Variants in C2 observed in about 807,000 individuals in gnomAD.
C2 encodes the protein C3/C5 convertase.
Under a neutral mutation model 85.2 loss-of-function variants are expected in C2, and 64 were observed. The ratio of observed to expected loss-of-function variants is 0.75; its 90% CI spans 0.61 to 0.92. The LOEUF is 0.92. C2 is among the 40% of genes least tolerant of loss of function. The pLI is 0.00. For synonymous variants in C2, 311 were observed against 370.8 expected (o/e 0.84, Z 1.85); for missense variants, 820 against 971.6 (o/e 0.84, Z 2.07).
chr6:31,911,566 G>A (rs1474256566), intron 1 of C2, among the ~76,000 whole-genome samples: 3 of 151,694 alleles, frequency 2.0e-5, no homozygotes, highest in Non-Finnish European at 2.9e-5. Context: ...GAGTCATCTG[G>A]AGTTTTAATT....
chr6:31,927,661 G>A, upstream of C2: 2 of 1,610,562 alleles, frequency 1.2e-6, no homozygotes, highest in South Asian at 1.1e-5. The surrounding 1 kb of genome is among the most constrained non-coding windows in gnomAD (Gnocchi z 4.7). Flanking sequence ...CAGCAATGAA[G>A]CAGCTGCTGA....
chr6:31,938,456 GTA>G (rs5875341), intron 8 of C2, among the ~76,000 whole-genome samples: 17,167 of 144,036 alleles, frequency 0.12, 1,191 homozygotes, highest in African/African-American at 0.2. Context: ...ATATATGTAT[GTA>G]TATATATATA....
chr6:31,916,429 T>A (rs911952316), upstream of C2, among the ~76,000 whole-genome samples: 6 of 151,964 alleles, frequency 3.9e-5, no homozygotes, highest in Admixed American at 2.6e-4. Context: ...CGTGGTGGCA[T>A]GTGCCTGTCA....
intron 1 of C2, among the ~76,000 whole-genome samples, chr6:31,913,643 AG>A (rs1425373165): frequency 6.6e-6 from 1 of 152,104 alleles, no homozygotes; most frequent in East Asian, 1.9e-4. Context: ...CGTTAAGTAA[AG>A]GAGTTTACTC....
chr6:31,912,534 G>A (rs751140228), intron 1 of C2, among the ~76,000 whole-genome samples: 3 of 152,072 alleles, frequency 2.0e-5, no homozygotes, highest in Non-Finnish European at 4.4e-5. Flanking sequence ...GTGGTACCAT[G>A]TGCTCTTTAG....
chr6:31,900,242 T>A, upstream of C2: 2 of 1,613,998 alleles, frequency 1.2e-6, no homozygotes, highest in Non-Finnish European at 1.7e-6. This position sits in a 1 kb window ranked among gnomAD's most constrained non-coding sequence, Gnocchi z 9.7. Flanking sequence ...GATGAAGTGC[T>A]GCGCCCGCAT....
upstream of C2, among the ~76,000 whole-genome samples, chr6:31,918,907 C>T (rs1265508619): frequency 1.5e-5 from 2 of 135,044 alleles, no homozygotes; most frequent in Non-Finnish European, 3.3e-5. Context: ...AAAAAAAATT[C>T]CTGGAAGGAA....
In C2 at chr6:31,943,949, A is replaced by C; in HGVS notation, c.1766A>C (p.Asn589Thr). ...PICLPCTMEA[N>T]LALRRPQGST... ...TGCCTTCCCTGCACGATGGAGGCCA[A>C]TCTGGCTCTGCGGAGACCTCAAGGC... The change falls in exon 14 of 18, where the codon AAT becomes ACT. Residue 589 changes from asparagine to threonine, a missense_variant. Asn to Thr is a moderately conservative substitution (Grantham distance 65). Transcript: ENST00000299367. The surrounding 1 kb of genome is among the most constrained non-coding windows in gnomAD (Gnocchi z 6.4). The C allele has an allele frequency of 6.2e-7, 1 of 1,612,950 alleles. No homozygotes were observed. Among genetic ancestry groups the C allele is most frequent in the South Asian group, 1.1e-5 (1 of 91,086 alleles).
At chr6:31,928,648 C>A in intron 2 of C2, 84 bp from the exon 3 acceptor site, 1 of 1,363,214 alleles carries the variant, frequency 7.3e-7, no homozygotes, top group Non-Finnish European at 1.0e-6. Flanking sequence ...CCCATGCATT[C>A]CAGCATAAAA....
upstream of C2, chr6:31,900,244 C>T (rs759938424): frequency 6.8e-6 from 11 of 1,613,972 alleles, no homozygotes; most frequent in East Asian, 4.5e-5. The surrounding 1 kb of genome is among the most constrained non-coding windows in gnomAD (Gnocchi z 9.7). Flanking sequence ...TGAAGTGCTG[C>T]GCCCGCATGT....
At chr6:31,902,307 C>G (rs1211796036) in intron 1 of C2, among the ~76,000 whole-genome samples, 1 of 151,816 alleles carries the variant, frequency 6.6e-6, no homozygotes, top group Non-Finnish European at 1.5e-5. Context: ...AAGTGCCGCG[C>G]GGAGGCCCGC....
At chr6:31,918,638 G>A (rs1356911046), upstream of C2, among the ~76,000 whole-genome samples, 2 of 151,078 alleles carry the variant, frequency 1.3e-5, no homozygotes, top group South Asian at 2.1e-4. Flanking sequence ...GGTGGCTCAC[G>A]CCTGTAATTC....
chr6:31,931,417 G>A (rs910378410), intron 3 of C2, among the ~76,000 whole-genome samples: 3 of 151,556 alleles, frequency 2.0e-5, no homozygotes, highest in Admixed American at 6.6e-5. Flanking sequence ...GCGGCCTTCC[G>A]CAGTGTTTGT....
At chr6:31,912,194 G>T (rs1324646830) in intron 1 of C2, among the ~76,000 whole-genome samples, 1 of 152,162 alleles carries the variant, frequency 6.6e-6, no homozygotes, top group African/African-American at 2.4e-5. Context: ...GTCTGCACCT[G>T]TTCAGCTTCC....
At chr6:31,937,588 A>G in intron 8 of C2, 129 bp downstream of exon 8, 4 of 1,115,328 alleles carry the variant, frequency 3.6e-6, no homozygotes, top group Non-Finnish European at 5.4e-6. Context: ...GTTTTTAGAG[A>G]TGGGGCCTTG....
intron 1 of C2, among the ~76,000 whole-genome samples, chr6:31,911,338 AT>A (rs1357250687): frequency 6.6e-6 from 1 of 152,110 alleles, no homozygotes; most frequent in Non-Finnish European, 1.5e-5. Context: ...AAAAAATAAA[AT>A]GAATCATGAA....
chr6:31,900,448 G>A, upstream of C2: 1 of 1,571,090 alleles, frequency 6.4e-7, no homozygotes, highest in South Asian at 1.2e-5. The surrounding 1 kb of genome is among the most constrained non-coding windows in gnomAD (Gnocchi z 9.7). Flanking sequence ...CCCCCACGCT[G>A]GCCCGGCCTC....
At chr6:31,931,680 G>A (rs1163453535) in intron 3 of C2, among the ~76,000 whole-genome samples, 3 of 152,104 alleles carry the variant, frequency 2.0e-5, no homozygotes, top group East Asian at 1.9e-4. Context: ...CACAGACACG[G>A]CAACCATCCG....
chr6:31,937,093 C>G, intron 7 of C2: 2 of 541,126 alleles, frequency 3.7e-6, no homozygotes, highest in East Asian at 6.4e-5. Flanking sequence ...CCTGTAATCC[C>G]AGCTACTTGG....
Sources: allele counts gnomAD v4.1 joint callset (sites outside exome capture counted in the v4.1 genomes callset), GRCh38; gene constraint gnomAD v4.1.1; non-coding constraint Gnocchi (gnomAD v3.1); transcripts MANE v1.5; gene names NCBI Gene and HGNC (gene_info 2026-07-23, HGNC 2026-07-21).